The following WFDC1 variants were observed in gnomAD, a reference collection of about 807,000 sequenced individuals.
The protein encoded by WFDC1 is WAP four-disulfide core domain 1, also known as WAP four-disulfide core domain protein 1.
A neutral mutation model predicts 32.9 loss-of-function variants in WFDC1; 39 were observed. The ratio of observed to expected loss-of-function variants is 1.19; its 90% CI spans 0.92 to 1.55. WFDC1 has a LOEUF of 1.55. Among genes scored for constraint, WFDC1 ranks in the 40% most tolerant of loss-of-function variants. WFDC1 has a pLI of 0.00. For synonymous variants in WFDC1, 184 were observed against 137.4 expected (o/e 1.34, Z -2.37); for missense variants, 386 against 309.5 (o/e 1.25, Z -1.85).
intron 1 of WFDC1, among the ~76,000 whole-genome samples, chr16:84,304,226 G>T (rs1395820841): frequency 6.6e-6 from 1 of 152,080 alleles, no homozygotes; most frequent in Non-Finnish European, 1.5e-5. Flanking sequence ...ATCTATTTTT[G>T]TTCATCTATA....
intron 1 of WFDC1, among the ~76,000 whole-genome samples, chr16:84,304,146 C>A (rs981698604): frequency 6.6e-6 from 1 of 152,232 alleles, no homozygotes; most frequent in Admixed American, 6.5e-5. Context: ...GGGGTTCCCA[C>A]TGCTGCAGCC....
At chr16:84,308,413 A>T (rs1480540340) in intron 1 of WFDC1, among the ~76,000 whole-genome samples, 4 of 152,210 alleles carry the variant, frequency 2.6e-5, no homozygotes, top group African/African-American at 9.6e-5. Flanking sequence ...GGACAGACAC[A>T]GCCTCTGCTC....
chr16:84,305,019 A>G (rs913706460), intron 1 of WFDC1, among the ~76,000 whole-genome samples: 2 of 152,196 alleles, frequency 1.3e-5, no homozygotes, highest in Admixed American at 6.5e-5. Context: ...CCCAGGTTCG[A>G]GTCCTGCCTC....
chr16:84,302,047 G>T (rs1231715813), intron 1 of WFDC1, among the ~76,000 whole-genome samples: 1 of 152,188 alleles, frequency 6.6e-6, no homozygotes, highest in South Asian at 2.1e-4. Context: ...GCCATAGAAA[G>T]GTACGGAGCC....
chr16:84,320,697 G>C (rs1305929179), intron 4 of WFDC1, among the ~76,000 whole-genome samples: 1 of 152,204 alleles, frequency 6.6e-6, no homozygotes, highest in Non-Finnish European at 1.5e-5. Context: ...GGTTCACCTT[G>C]TCAAAGTCAG....
rs537571942 is a variant in WFDC1, at chr16:84,322,849, G to A, written c.563-1570G>A. ...TGAGGTCACACAGAAGCTGAGCTGC[G>A]GGGGCTGGCCCCTCCTTGTCCTGCC... On this transcript the variant is annotated intron_variant, in intron 4 of 6. Transcript: ENST00000219454. 5.9e-5 allele frequency among the ~76,000 whole-genome samples: 9 copies of A among 152,322 alleles called. No homozygotes were observed. In the South Asian group the frequency reaches 1.0e-3, roughly 18 times the overall value.
Position 84,318,214 on chromosome 16 carries a change from G to T in WFDC1, c.338-58G>T, listed in dbSNP as rs533457292. The T allele has an allele frequency of 4.4e-6, 7 of 1,578,368 alleles. No homozygotes were observed. The South Asian group carries it at 7.8e-5, about 18-fold the overall frequency. ...AAGTTGGGGTGCCCCCAGCCCCCAA[G>T]CCTGGGCGTTTCTCAGCTGCTTGAG... On this transcript the variant is annotated intron_variant, in intron 2 of 6. Transcript: ENST00000219454.
chr16:84,324,435 A>C lies in WFDC1; in HGVS notation c.579A>C (p.Arg193=). 1 of 1,613,856 alleles carries C rather than the reference A, an allele frequency of 6.2e-7. No homozygotes were observed. Among genetic ancestry groups the C allele is most frequent in the East Asian group, 2.2e-5 (1 of 44,878 alleles). The stretch of plus-strand genomic sequence containing the variant: ...GTTTTCCAGATGGGCGAATCCTACG[A>C]CACAAACTTTACAAAGAATATCCAG... ...QRRQADGRIL[R]HKLYKEYPEG... is the part of the protein sequence containing the mutation. The change falls in exon 5 of 7, where the codon CGA becomes CGC. Residue 193 remains arginine, a synonymous_variant. Coordinates refer to ENST00000219454, the MANE Select transcript of WFDC1 (RefSeq NM_021197.4).
chr16:84,321,353 G>A (rs1269130614), intron 4 of WFDC1, among the ~76,000 whole-genome samples: 1 of 152,186 alleles, frequency 6.6e-6, no homozygotes, highest in Non-Finnish European at 1.5e-5. Flanking sequence ...CCGTGGGTGG[G>A]TGGGGTGTAT....
chr16:84,324,045 A>G (rs758149739), intron 4 of WFDC1, among the ~76,000 whole-genome samples: 5 of 152,100 alleles, frequency 3.3e-5, no homozygotes, highest in Non-Finnish European at 7.4e-5. Context: ...ACTTGAACCC[A>G]GGAGGCAGAG....
intron 1 of WFDC1, among the ~76,000 whole-genome samples, chr16:84,310,349 G>A (rs74791246): frequency 0.019 from 2,821 of 152,208 alleles, 80 homozygotes; most frequent in African/African-American, 0.064. Context: ...GGATCAGCAC[G>A]GGCAAAGGCC....
At chr16:84,329,129 G>C (rs75262801) in intron 6 of WFDC1, 193 bp from the exon 7 acceptor site, 2 of 152,228 alleles carry the variant, frequency 1.3e-5, no homozygotes, top group Admixed American at 6.5e-5. Context: ...CCGTGAAGAC[G>C]TCACAGTGAG....
At chr16:84,306,514 T>C (rs1907268512) in intron 1 of WFDC1, among the ~76,000 whole-genome samples, 1 of 152,194 alleles carries the variant, frequency 6.6e-6, no homozygotes, top group Non-Finnish European at 1.5e-5. Flanking sequence ...TCCTTCCTCA[T>C]CTCTGGAGTG....
At chr16:84,324,067 C>G (rs1299533328) in intron 4 of WFDC1, among the ~76,000 whole-genome samples, 1 of 152,046 alleles carries the variant, frequency 6.6e-6, no homozygotes, top group Non-Finnish European at 1.5e-5. Context: ...TTACAGTGAG[C>G]TGAGATCATG....
chr16:84,324,142 G>C (rs1908455287), intron 4 of WFDC1, among the ~76,000 whole-genome samples: 1 of 152,070 alleles, frequency 6.6e-6, no homozygotes. Context: ...AAAAGACAGT[G>C]GTTCTGAAAC....
chr16:84,325,531 C>A (rs1373612420), intron 5 of WFDC1: 1 of 151,756 alleles, frequency 6.6e-6, no homozygotes, highest in African/African-American at 2.4e-5. Context: ...ATCCATTTAT[C>A]CATCCATCCA....
chr16:84,297,617 CAAAAAAAAAAAAAAAAA>C (rs150683526), intron 1 of WFDC1, among the ~76,000 whole-genome samples: 7 of 69,464 alleles, frequency 1.0e-4, no homozygotes, highest in Admixed American at 2.0e-4. Flanking sequence ...AACTCTGTCT[CAAAAAAAAAAAAAAAAA>C]AAAAAAAAAA....
At chr16:84,313,194 C>T (rs1000543098) in intron 2 of WFDC1, 41 bp downstream of exon 2, 19 of 1,384,140 alleles carry the variant, frequency 1.4e-5, no homozygotes, top group Non-Finnish European at 1.0e-5. Flanking sequence ...GGGAGGAGGA[C>T]AGGTGAACAG....
Position 84,308,163 on chromosome 16 carries a change from C to G in WFDC1, c.145-4798C>G, listed in dbSNP as rs1035290729. On this transcript the variant is annotated intron_variant, in intron 1 of 6. Transcript: ENST00000219454. ...CAGGCTTTCCTGCCGCACCACCCCC[C>G]GCTCCTGCTTGGCCATTCCTGCTCT... Among the ~76,000 whole-genome samples the G allele has an allele frequency of 7.9e-5, 12 of 152,288 alleles. No individual in the cohort carries two copies. In the South Asian group the frequency reaches 1.4e-3, roughly 18 times the overall value.
Sources: gnomAD v4.1 joint callset for allele counts (sites outside exome capture counted in the v4.1 genomes callset) on GRCh38, gnomAD v4.1.1 for gene constraint, MANE v1.5 for transcripts, NCBI Gene and HGNC (gene_info 2026-07-23, HGNC 2026-07-21) for gene names.